The following SAMD13 variants were observed in gnomAD, a reference collection of about 807,000 sequenced individuals.
The protein encoded by SAMD13 is sterile alpha motif domain-containing protein 13.
In SAMD13, 9 loss-of-function variants were observed where a neutral mutation model predicts 12.4. The ratio of observed to expected loss-of-function variants is 0.72; its 90% CI spans 0.44 to 1.26. The LOEUF (loss-of-function observed/expected upper bound fraction) is 1.26. Ranked by LOEUF, SAMD13 falls within the 50% of genes most tolerant of loss-of-function variation. The pLI is 0.00. For synonymous variants in SAMD13, 46 were observed against 45.4 expected (o/e 1.01, Z -0.05); for missense variants, 84 against 119.6 (o/e 0.70, Z 1.39).
intron 3 of SAMD13, among the ~76,000 whole-genome samples, chr1:84,330,567 C>T (rs948739453): frequency 2.0e-5 from 3 of 152,184 alleles, no homozygotes; most frequent in African/African-American, 7.2e-5. Context: ...AAATGAGCAG[C>T]ATTCTCTGTT....
intron 2 of SAMD13, among the ~76,000 whole-genome samples, chr1:84,310,328 A>G (rs1678682544): frequency 6.6e-6 from 1 of 152,056 alleles, no homozygotes; most frequent in Non-Finnish European, 1.5e-5. Flanking sequence ...TTGGCCACAG[A>G]TGAAATACAC....
intron 2 of SAMD13, among the ~76,000 whole-genome samples, chr1:84,323,333 C>T (rs540789020): frequency 1.3e-5 from 2 of 151,990 alleles, no homozygotes; most frequent in African/African-American, 4.8e-5. Context: ...TTTAAAAACA[C>T]ATAGTTAATA....
At chr1:84,332,695 TGATA>T (rs1434063877) in intron 3 of SAMD13, among the ~76,000 whole-genome samples, 1 of 152,200 alleles carries the variant, frequency 6.6e-6, no homozygotes. Flanking sequence ...TTTGCCCTGT[TGATA>T]GTTATTTTGC....
intron 3 of SAMD13, among the ~76,000 whole-genome samples, chr1:84,346,661 A>G (rs1679542555): frequency 6.6e-6 from 1 of 152,226 alleles, no homozygotes; most frequent in Non-Finnish European, 1.5e-5. Context: ...CCTGTCTTCC[A>G]GTTTCCAGTC....
upstream of SAMD13, among the ~76,000 whole-genome samples, chr1:84,300,793 C>A (rs1678438624): frequency 6.6e-6 from 1 of 152,186 alleles, no homozygotes; most frequent in Non-Finnish European, 1.5e-5. Flanking sequence ...CTTGCCCAGC[C>A]TCTCTGCTCC....
intron 2 of SAMD13, among the ~76,000 whole-genome samples, chr1:84,320,272 GC>G (rs1678913009): frequency 1.3e-5 from 2 of 152,324 alleles, no homozygotes; most frequent in South Asian, 4.1e-4. Flanking sequence ...CTAGGATGTT[GC>G]CCAGTTAGGT....
At chr1:84,328,237 A>C (rs552352671) in intron 3 of SAMD13, among the ~76,000 whole-genome samples, 1 of 152,176 alleles carries the variant, frequency 6.6e-6, no homozygotes. Context: ...ACTTTCTCCC[A>C]TGGATGATCT....
intron 2 of SAMD13, among the ~76,000 whole-genome samples, chr1:84,321,140 C>T (rs894422457): frequency 7.9e-5 from 12 of 151,948 alleles, no homozygotes; most frequent in Admixed American, 5.2e-4. Context: ...TTTCTGTCCC[C>T]GTGGTTGTGT....
chr1:84,335,953 C>T (rs1315036067), intron 3 of SAMD13, among the ~76,000 whole-genome samples: 2 of 151,992 alleles, frequency 1.3e-5, no homozygotes, highest in South Asian at 4.2e-4. Context: ...GGTGACTTGC[C>T]CCTTGTCTTT....
chr1:84,299,468 C>T (rs1052911139), upstream of SAMD13: 46 of 410,564 alleles, frequency 1.1e-4, no homozygotes, highest in African/African-American at 8.3e-4. Context: ...GTTTGGTTGC[C>T]TCTCCCCCTC....
intron 3 of SAMD13, among the ~76,000 whole-genome samples, chr1:84,338,881 G>C (rs1426766293): frequency 6.6e-6 from 1 of 152,156 alleles, no homozygotes; most frequent in African/African-American, 2.4e-5. Flanking sequence ...ACGAGATCTG[G>C]GTGGGATCAC....
chr1:84,301,842 A>C (rs1347830886), intron 1 of SAMD13, 41 bp downstream of exon 1: 1 of 814,218 alleles, frequency 1.2e-6, no homozygotes, highest in East Asian at 1.2e-4. Context: ...AGAAAATAAT[A>C]GTAATAATAA....
intron 3 of SAMD13, among the ~76,000 whole-genome samples, chr1:84,341,772 C>T (rs1679431938): frequency 6.6e-6 from 1 of 151,994 alleles, no homozygotes; most frequent in African/African-American, 2.4e-5. Context: ...GGATATTGGG[C>T]TTTCAGTGTT....
intron 2 of SAMD13, among the ~76,000 whole-genome samples, chr1:84,317,976 CTATT>C (rs1678869973): frequency 6.6e-6 from 1 of 152,006 alleles, no homozygotes; most frequent in South Asian, 2.1e-4. Flanking sequence ...AGACCTGTAA[CTATT>C]TATGGTAGTC....
chr1:84,345,523 T>C (rs1679516483), intron 3 of SAMD13, among the ~76,000 whole-genome samples: 1 of 152,232 alleles, frequency 6.6e-6, no homozygotes, highest in Non-Finnish European at 1.5e-5. Context: ...CTTTCCCTTA[T>C]GCACCATCTG....
intron 3 of SAMD13, among the ~76,000 whole-genome samples, chr1:84,334,769 A>AT (rs1679259926): frequency 6.6e-6 from 1 of 152,136 alleles, no homozygotes; most frequent in Non-Finnish European, 1.5e-5. Flanking sequence ...TTTTGTTCTC[A>AT]GTAGTTTCAC....
At chr1:84,344,990 C>G (rs1227986761) in intron 3 of SAMD13, 1 of 456,562 alleles carries the variant, frequency 2.2e-6, no homozygotes, top group Non-Finnish European at 4.4e-6. Flanking sequence ...TTTCCCTTGG[C>G]CTTGTGGGTA....
chr1:84,313,200 A>G (rs1678752855), intron 2 of SAMD13, among the ~76,000 whole-genome samples: 1 of 152,206 alleles, frequency 6.6e-6, no homozygotes, highest in African/African-American at 2.4e-5. Context: ...AAGAATGTAC[A>G]TATATATGGG....
chr1:84,344,991 CT>C, intron 3 of SAMD13: 1 of 456,704 alleles, frequency 2.2e-6, no homozygotes, highest in Non-Finnish European at 4.4e-6. Flanking sequence ...TTCCCTTGGC[CT>C]TGTGGGTAAA....
Sources: allele counts gnomAD v4.1 joint callset (sites outside exome capture counted in the v4.1 genomes callset), GRCh38; gene constraint gnomAD v4.1.1; transcripts MANE v1.5; gene names NCBI Gene and HGNC (gene_info 2026-07-23, HGNC 2026-07-21).